TRABD2B: variants seen among roughly 807,000 people sequenced by gnomAD.
The protein encoded by TRABD2B is metalloprotease TIKI2.
A neutral mutation model predicts 40.1 loss-of-function variants in TRABD2B; 14 were observed. That is an observed-to-expected ratio of 0.35 (90% CI 0.23 to 0.55). The LOEUF is 0.55. Ranked by LOEUF, TRABD2B falls within the 20% of genes least tolerant of loss-of-function variation. The pLI, the probability that TRABD2B is intolerant of heterozygous loss-of-function variation, is 0.90. For missense variants in TRABD2B, 541 were observed against 648.6 expected (o/e 0.83, Z 1.80); for synonymous variants, 263 against 277.0 (o/e 0.95, Z 0.50).
intron 2 of TRABD2B, among the ~76,000 whole-genome samples, chr1:47,858,204 CTTT>C (rs1643915654): frequency 7.4e-6 from 1 of 135,266 alleles, no homozygotes; most frequent in Non-Finnish European, 1.6e-5. Context: ...CTTTATTTTA[CTTT>C]ATTTTATTTT....
intron 2 of TRABD2B, among the ~76,000 whole-genome samples, chr1:47,892,646 G>A (rs1644463941): frequency 6.6e-6 from 1 of 152,218 alleles, no homozygotes. Context: ...AGAGGCTACT[G>A]AGGTAGGATG....
intron 2 of TRABD2B, among the ~76,000 whole-genome samples, chr1:47,932,629 G>A (rs1427801097): frequency 6.6e-6 from 1 of 152,138 alleles, no homozygotes; most frequent in African/African-American, 2.4e-5. Flanking sequence ...ACAGGAGAAG[G>A]AACTTGTGAT....
chr1:47,932,368 G>T (rs923736300), intron 2 of TRABD2B, among the ~76,000 whole-genome samples: 4 of 152,216 alleles, frequency 2.6e-5, no homozygotes, highest in African/African-American at 9.6e-5. Flanking sequence ...CAAAGCAGAA[G>T]TGAGGATGAA....
intron 2 of TRABD2B, among the ~76,000 whole-genome samples, chr1:47,990,822 T>C (rs1418996361): frequency 2.6e-5 from 2 of 75,550 alleles, no homozygotes; most frequent in Admixed American, 1.5e-4. Flanking sequence ...TATATATATA[T>C]ATATATATAT....
chr1:47,827,508 T>C (rs1406569306), intron 2 of TRABD2B, among the ~76,000 whole-genome samples: 1 of 152,138 alleles, frequency 6.6e-6, no homozygotes, highest in African/African-American at 2.4e-5. Context: ...ATCCAGAGCC[T>C]GAAAGAAGCA....
intron 2 of TRABD2B, among the ~76,000 whole-genome samples, chr1:47,803,002 G>T (rs1274135926): frequency 6.6e-6 from 1 of 151,380 alleles, no homozygotes; most frequent in African/African-American, 2.4e-5. Context: ...AAAATACTCA[G>T]CATTCCTTCA....
chr1:47,996,867 C>T lies in TRABD2B; in HGVS notation c.-78G>A. 2 of 1,150,000 alleles carry T rather than the reference C, an allele frequency of 1.7e-6. No homozygotes were observed. The allele number at this position is 1,150,000 out of a possible 1,614,324, so 71.2% of individuals were successfully genotyped here. ...GGGGCGGGGAGCCCCCAGTTGGGCA[C>T]GGAGTTTCCTCTGGAGCACGGGGCT... On this transcript the variant is annotated 5_prime_UTR_variant, in exon 1 of 7. In the 5' UTR this introduces an upstream ATG that the reference lacks. Coordinates refer to ENST00000606738, the MANE Select transcript of TRABD2B (RefSeq NM_001194986.2). The surrounding 1 kb of genome is among the most constrained non-coding windows in gnomAD (Gnocchi z 4.6).
rs116762358 is a variant in TRABD2B at position 47,775,944 on chromosome 1, G to A, written c.1080-505C>T. Among the ~76,000 whole-genome samples the A allele has an allele frequency of 6.7e-3, 1,012 of 152,170 alleles. 13 individuals are homozygous for A. Among genetic ancestry groups the A allele is most frequent in the African/African-American group, 0.023 (947 of 41,514 alleles). ...CGAGCCCTGGGTACGTCTCTGGGGC[G>A]TATCTGAGCTTGGTCAGGGTCTCAT... On this transcript the variant is annotated intron_variant, in intron 5 of 6. Coordinates refer to ENST00000606738, the MANE Select transcript of TRABD2B (RefSeq NM_001194986.2).
chr1:47,812,342 G>C (rs1431892434), intron 2 of TRABD2B, among the ~76,000 whole-genome samples: 1 of 152,218 alleles, frequency 6.6e-6, no homozygotes, highest in African/African-American at 2.4e-5. Flanking sequence ...GAGGTTGGGG[G>C]CCTCAGAGGG....
intron 2 of TRABD2B, among the ~76,000 whole-genome samples, chr1:47,991,706 T>C (rs1450571103): frequency 6.6e-6 from 1 of 151,180 alleles, no homozygotes; most frequent in Non-Finnish European, 1.5e-5. Context: ...GCCTTATTTT[T>C]CCCGCCTTCT....
intron 2 of TRABD2B, among the ~76,000 whole-genome samples, chr1:47,966,777 C>T (rs1645609561): frequency 6.6e-6 from 1 of 151,880 alleles, no homozygotes; most frequent in Non-Finnish European, 1.5e-5. Flanking sequence ...TGGTGGCGCA[C>T]ACTTGTAATC....
chr1:47,780,003 G>C (rs774239270), intron 4 of TRABD2B, among the ~76,000 whole-genome samples: 5 of 152,172 alleles, frequency 3.3e-5, no homozygotes, highest in Non-Finnish European at 7.4e-5. Flanking sequence ...TGCCCCACCA[G>C]CCTCGCACAC....
chr1:47,844,435 C>T (rs1004428568), intron 2 of TRABD2B, among the ~76,000 whole-genome samples: 4 of 152,194 alleles, frequency 2.6e-5, no homozygotes, highest in African/African-American at 9.7e-5. Flanking sequence ...CCTCTGATCA[C>T]ATCAATGTGA....
intron 2 of TRABD2B, among the ~76,000 whole-genome samples, chr1:47,823,240 G>A (rs1462099534): frequency 2.0e-5 from 3 of 152,270 alleles, no homozygotes; most frequent in Non-Finnish European, 2.9e-5. Context: ...AGTCTGCCAA[G>A]CTGCTGCAGT....
intron 2 of TRABD2B, among the ~76,000 whole-genome samples, chr1:47,829,322 G>A (rs1343501780): frequency 6.6e-6 from 1 of 152,110 alleles, no homozygotes; most frequent in South Asian, 2.1e-4. Flanking sequence ...ACTCCCCTGG[G>A]AGAGGGGCTC....
rs138311769 is a variant in TRABD2B at position 47,916,865 on chromosome 1, G to C, written c.666+77169C>G. 7.1e-4 allele frequency among the ~76,000 whole-genome samples: 108 copies of C among 152,338 alleles called. 1 individual carries two copies. Among genetic ancestry groups the C allele is most frequent in the African/African-American group, 2.4e-3 (101 of 41,578 alleles). Reference sequence around the variant, plus strand: ...TCACACCCTCCCCAGTGTATGAACTGACTGTGATCCTGAGAGGCACAGTCG... The same window carrying C: ...TCACACCCTCCCCAGTGTATGAACTCACTGTGATCCTGAGAGGCACAGTCG... On this transcript the variant is annotated intron_variant, in intron 2 of 6. Transcript: ENST00000606738.
At chr1:47,955,720 ACCC>A (rs745317828) in intron 2 of TRABD2B, among the ~76,000 whole-genome samples, 3,567 of 151,808 alleles carry the variant, frequency 0.023, 109 homozygotes, top group Admixed American at 0.09. Context: ...GAAGCCTCCT[ACCC>A]CAACTCATTA....
rs79327849 is a variant in TRABD2B at position 47,963,795 on chromosome 1, C to T, written c.666+30239G>A. Among the ~76,000 whole-genome samples, 1,277 of 152,248 alleles carry T rather than the reference C, an allele frequency of 8.4e-3. 27 individuals are homozygous for T. The highest frequency in any genetic ancestry group is 0.029 in the African/African-American group (1,220 of 41,528). ...AGTTTCAAACACACTTACATGTTTG[C>T]GTCCCAATAACAACAAGACAGAAAG... On this transcript the variant is annotated intron_variant, in intron 2 of 6. Transcript: ENST00000606738.
chr1:47,997,206 G>T lies in TRABD2B; in HGVS notation c.-417C>A. 1 of 983,314 alleles carries T rather than the reference G, an allele frequency of 1.0e-6. No homozygotes were observed. The allele number at this position is 983,314 out of a possible 1,614,324, so 60.9% of individuals were successfully genotyped here. ...CCCGGGGCACGCAAGGGTCCCAGGGGTGCGCGGCGCTCCAGGAGGCGCGCA... is the reference window on the plus strand; with the variant it reads ...CCCGGGGCACGCAAGGGTCCCAGGGTTGCGCGGCGCTCCAGGAGGCGCGCA... On this transcript the variant is annotated 5_prime_UTR_variant, in exon 1 of 7. Transcript: ENST00000606738.
Sources: gnomAD v4.1 joint callset for allele counts (sites outside exome capture counted in the v4.1 genomes callset) on GRCh38, gnomAD v4.1.1 for gene constraint, Gnocchi (gnomAD v3.1) non-coding constraint, MANE v1.5 for transcripts, NCBI Gene and HGNC (gene_info 2026-07-23, HGNC 2026-07-21) for gene names.